KCNQ5: variants seen among roughly 807,000 people sequenced by gnomAD.
KCNQ5 encodes potassium voltage-gated channel subfamily KQT member 5.
KCNQ5 carries 30 observed loss-of-function variants against 98.2 expected under a neutral mutation model. That is an observed-to-expected ratio of 0.31 (90% CI 0.23 to 0.41). KCNQ5 has a LOEUF of 0.41. Among genes scored for constraint, KCNQ5 ranks in the 10% least tolerant of loss-of-function variants. The pLI is 1.00. For synonymous variants in KCNQ5, 458 were observed against 449.4 expected (o/e 1.02, Z -0.24); for missense variants, 835 against 1,182.5 (o/e 0.71, Z 4.31).
chr6:72,787,353 C>G (rs1321466020), intron 1 of KCNQ5, among the ~76,000 whole-genome samples: 1 of 152,144 alleles, frequency 6.6e-6, no homozygotes, highest in Non-Finnish European at 1.5e-5. Flanking sequence ...TGAATAGTTA[C>G]AACAGAGACC....
chr6:72,873,267 T>C (rs947668823), intron 1 of KCNQ5, among the ~76,000 whole-genome samples: 2 of 152,156 alleles, frequency 1.3e-5, no homozygotes, highest in African/African-American at 4.8e-5. Context: ...TGTTTTTATT[T>C]GTATTTACTT....
At chr6:73,042,084 A>G in intron 3 of KCNQ5, 22 bp downstream of exon 3, 1 of 1,613,032 alleles carries the variant, frequency 6.2e-7, no homozygotes, top group South Asian at 1.1e-5. Context: ...AGTCTCAGAT[A>G]CCTGGACTAT....
chr6:72,778,297 G>A (rs1227104593), intron 1 of KCNQ5, among the ~76,000 whole-genome samples: 1 of 152,172 alleles, frequency 6.6e-6, no homozygotes, highest in Non-Finnish European at 1.5e-5. Context: ...AGTACTTTGG[G>A]AAGTGGAGAC....
intron 1 of KCNQ5, among the ~76,000 whole-genome samples, chr6:72,942,748 C>T (rs1165929297): frequency 6.6e-6 from 1 of 152,176 alleles, no homozygotes; most frequent in Non-Finnish European, 1.5e-5. Context: ...GCGGTAGGGG[C>T]AGTGTCTAAA....
At chr6:72,876,028 C>T (rs544826882) in intron 1 of KCNQ5, among the ~76,000 whole-genome samples, 2 of 151,790 alleles carry the variant, frequency 1.3e-5, no homozygotes, top group Admixed American at 6.6e-5. Context: ...TCTGTAATTG[C>T]TTTTTCACTT....
At chr6:72,743,292 TA>T (rs1156775572) in intron 1 of KCNQ5, among the ~76,000 whole-genome samples, 1 of 151,468 alleles carries the variant, frequency 6.6e-6, no homozygotes, top group African/African-American at 2.4e-5. Flanking sequence ...AAAATATTAT[TA>T]AATATAATTA....
intron 1 of KCNQ5, among the ~76,000 whole-genome samples, chr6:72,923,829 G>A (rs559749705): frequency 6.0e-4 from 92 of 152,234 alleles, no homozygotes; most frequent in Non-Finnish European, 1.2e-3. Flanking sequence ...AGTTCACTTA[G>A]GATTATTCTT....
chr6:72,716,490 C>T (rs1262361803), intron 1 of KCNQ5, among the ~76,000 whole-genome samples: 1 of 152,246 alleles, frequency 6.6e-6, no homozygotes. Context: ...ATACCTAAAG[C>T]AGTGGGTGAA....
chr6:72,684,277 A>T (rs1182499845), intron 1 of KCNQ5, among the ~76,000 whole-genome samples: 1 of 152,132 alleles, frequency 6.6e-6, no homozygotes, highest in African/African-American at 2.4e-5. Flanking sequence ...ATGGCATCCC[A>T]CGCTTCCCTG....
intron 2 of KCNQ5, among the ~76,000 whole-genome samples, chr6:73,013,939 T>C (rs1204419477): frequency 6.6e-6 from 1 of 152,158 alleles, no homozygotes; most frequent in Non-Finnish European, 1.5e-5. Flanking sequence ...AAGTTCTTTG[T>C]ACTGAGAATT....
At chr6:72,734,797 T>A (rs1302896245) in intron 1 of KCNQ5, among the ~76,000 whole-genome samples, 6 of 152,192 alleles carry the variant, frequency 3.9e-5, no homozygotes, top group Admixed American at 1.3e-4. Flanking sequence ...AAATTTAAGA[T>A]TACCCAGTTT....
chr6:73,029,707 G>A (rs578127406), intron 2 of KCNQ5, among the ~76,000 whole-genome samples: 98 of 151,892 alleles, frequency 6.5e-4, no homozygotes, highest in African/African-American at 2.3e-3. Flanking sequence ...GCCGAGGCAG[G>A]TGGATCACGA....
intron 10 of KCNQ5, among the ~76,000 whole-genome samples, chr6:73,166,787 A>G (rs1582475914): frequency 6.6e-6 from 1 of 152,162 alleles, no homozygotes; most frequent in Non-Finnish European, 1.5e-5. Flanking sequence ...GTGGGGGCCA[A>G]CAATCCCTGG....
chr6:72,737,753 T>G (rs1770922305), intron 1 of KCNQ5, among the ~76,000 whole-genome samples: 1 of 152,216 alleles, frequency 6.6e-6, no homozygotes, highest in Admixed American at 6.5e-5. Flanking sequence ...TCATAATACT[T>G]ATAGGTAAGT....
intron 1 of KCNQ5, among the ~76,000 whole-genome samples, chr6:72,665,340 T>A (rs1311187874): frequency 2.1e-4 from 9 of 42,022 alleles, no homozygotes; most frequent in African/African-American, 4.2e-4. Flanking sequence ...TAATACCCTG[T>A]CAAAAAAAAA....
chr6:72,886,355 G>A (rs1254994674), intron 1 of KCNQ5, among the ~76,000 whole-genome samples: 1 of 152,044 alleles, frequency 6.6e-6, no homozygotes, highest in Non-Finnish European at 1.5e-5. Flanking sequence ...TAGCATCTTA[G>A]ACACAACTGA....
At chr6:72,628,546 TTTAAC>T (rs2154471470) in intron 1 of KCNQ5, among the ~76,000 whole-genome samples, 1 of 152,360 alleles carries the variant, frequency 6.6e-6, no homozygotes, top group South Asian at 2.1e-4. Context: ...AACTAGTTGC[TTTAAC>T]TTAATTCCTA....
intron 11 of KCNQ5, among the ~76,000 whole-genome samples, chr6:73,183,552 T>C (rs1479650663): frequency 1.3e-5 from 2 of 152,124 alleles, no homozygotes; most frequent in Non-Finnish European, 2.9e-5. Flanking sequence ...CATTGCATCA[T>C]AGAGACAGAG....
chr6:73,184,237 C>T (rs375739697), intron 11 of KCNQ5, among the ~76,000 whole-genome samples: 12 of 152,154 alleles, frequency 7.9e-5, no homozygotes, highest in African/African-American at 2.7e-4. Flanking sequence ...ATCCTAATTA[C>T]GTTAGCAATC....
Sources: allele counts gnomAD v4.1 joint callset (sites outside exome capture counted in the v4.1 genomes callset), GRCh38; gene constraint gnomAD v4.1.1; transcripts MANE v1.5; gene names NCBI Gene and HGNC (gene_info 2026-07-23, HGNC 2026-07-21).